KCNU1: variants seen among roughly 807,000 people sequenced by gnomAD.
The protein encoded by KCNU1 is potassium calcium-activated channel subfamily U member 1, also known as potassium channel subfamily U member 1.
In KCNU1, 93 loss-of-function variants were observed where a neutral mutation model predicts 126.8. The ratio of observed to expected loss-of-function variants is 0.73; its 90% CI spans 0.62 to 0.87. The LOEUF (loss-of-function observed/expected upper bound fraction) is 0.87. KCNU1 is among the 40% of genes least tolerant of loss of function. KCNU1 has a pLI of 0.00. For synonymous variants in KCNU1, 523 were observed against 494.2 expected (o/e 1.06, Z -0.77); for missense variants, 1,330 against 1,367.1 (o/e 0.97, Z 0.43).
chr8:36,878,119 A>G (rs906984018), intron 19 of KCNU1, among the ~76,000 whole-genome samples: 8 of 152,216 alleles, frequency 5.3e-5, no homozygotes, highest in Non-Finnish European at 7.3e-5. Context: ...TCTCTTTTCA[A>G]ACAAAAATAT....
chr8:36,887,795 T>C (rs1306133412), intron 19 of KCNU1, among the ~76,000 whole-genome samples: 1 of 152,222 alleles, frequency 6.6e-6, no homozygotes, highest in Non-Finnish European at 1.5e-5. Flanking sequence ...GTCATTTATT[T>C]CTTAGGTGTA....
intron 18 of KCNU1, among the ~76,000 whole-genome samples, chr8:36,855,338 A>G (rs541766435): frequency 6.6e-6 from 1 of 152,200 alleles, no homozygotes; most frequent in East Asian, 1.9e-4. Flanking sequence ...ATATTTGATA[A>G]CACTCCCTGG....
intron 26 of KCNU1, 138 bp from the exon 27 acceptor site, chr8:36,935,377 C>G: frequency 1.5e-6 from 1 of 667,436 alleles, no homozygotes; most frequent in Non-Finnish European, 2.6e-6. Flanking sequence ...TACTATTAAT[C>G]AGAAACCCAT....
At chr8:36,817,299 A>G (rs1341417470) in intron 9 of KCNU1, among the ~76,000 whole-genome samples, 1 of 151,982 alleles carries the variant, frequency 6.6e-6, no homozygotes, top group African/African-American at 2.4e-5. Context: ...CGGGAGTTCA[A>G]GACCAGCCTG....
intron 19 of KCNU1, among the ~76,000 whole-genome samples, chr8:36,899,352 G>T (rs1208934131): frequency 6.6e-6 from 1 of 152,028 alleles, no homozygotes; most frequent in African/African-American, 2.4e-5. Flanking sequence ...CCATGAGTTT[G>T]ACAGAGCCCA....
chr8:36,796,184 C>T (rs969827271), intron 2 of KCNU1, among the ~76,000 whole-genome samples: 1 of 152,120 alleles, frequency 6.6e-6, no homozygotes, highest in Non-Finnish European at 1.5e-5. Context: ...TCACTTTCCT[C>T]GAATTGAGGG....
chr8:36,903,484 C>T (rs752819826), intron 19 of KCNU1, among the ~76,000 whole-genome samples: 1 of 151,916 alleles, frequency 6.6e-6, no homozygotes, highest in Non-Finnish European at 1.5e-5. Context: ...ACAGTATATT[C>T]CAAAAGGCTG....
chr8:36,804,063 A>G lies in KCNU1; in HGVS notation c.352A>G (p.Ile118Val), dbSNP rs1372589186. 1 of 1,560,240 alleles carries G rather than the reference A, an allele frequency of 6.4e-7. No homozygotes were observed. Among genetic ancestry groups the G allele is most frequent in the South Asian group, 1.2e-5 (1 of 85,114 alleles). ...LVFVLSIGSLIIYFINSADPV... is the reference protein window; with the variant it reads ...LVFVLSIGSLVIYFINSADPV... ...CTTTGTACTAAGCATTGGGTCTCTT[A>G]TAATCTATTTCATCAATTCTGCTGA... is the stretch of plus-strand genomic sequence containing the variant. Residue 118 changes from isoleucine (I) to valine (V), a missense_variant, in exon 3 of 27, where the codon ATA becomes GTA. Physicochemically the swap from Ile to Val is conservative, Grantham distance 29. This residue lies in a region of KCNU1 where 247 missense variants were observed against 255.4 expected (regional missense o/e 0.97). Transcript: ENST00000399881.
chr8:36,910,993 G>C lies in KCNU1; in HGVS notation c.2395G>C (p.Val799Leu), dbSNP rs754829736. The change falls in exon 22 of 27, where the codon GTC becomes CTC. Residue 799 changes from valine (V) to leucine (L), a missense_variant. Physicochemically the swap from Val to Leu is conservative, Grantham distance 32 (BLOSUM62 1). This residue lies in a region of KCNU1 where 1,054 missense variants were observed against 1,053.9 expected (regional missense o/e 1.00). Coordinates refer to ENST00000399881, the MANE Select transcript of KCNU1 (RefSeq NM_001031836.3). The part of the protein sequence containing the change: ...ANIEQCSMCA[V>L]LSPPPQPSSN... ...CATAGAGCAATGCTCCATGTGTGCT[G>C]TCTTGTCCCCCCCACCCCAGCCATC... 9.9e-6 allele frequency: 16 copies of C among 1,613,528 alleles called. No individual in the cohort carries two copies. Among genetic ancestry groups the C allele is most frequent in the African/African-American group, 1.3e-5 (1 of 74,850 alleles).
chr8:36,873,091 TAACC>T (rs1293841655), intron 19 of KCNU1, among the ~76,000 whole-genome samples: 3 of 152,140 alleles, frequency 2.0e-5, no homozygotes, highest in Admixed American at 6.5e-5. Flanking sequence ...AAAAATAAAC[TAACC>T]AACCAAACAA....
intron 11 of KCNU1, among the ~76,000 whole-genome samples, 175 bp from the exon 12 acceptor site, chr8:36,834,611 C>T (rs978501492): frequency 6.6e-6 from 1 of 152,224 alleles, no homozygotes; most frequent in Non-Finnish European, 1.5e-5. Context: ...CCCTTTGCAG[C>T]ATTTGCAGGA....
chr8:36,834,727 A>G (rs1220396731), intron 11 of KCNU1, 59 bp from the exon 12 acceptor site: 16 of 1,069,220 alleles, frequency 1.5e-5, no homozygotes, highest in Admixed American at 2.2e-5. Flanking sequence ...CGAAAGGGGA[A>G]GACCAGAGCA....
intron 10 of KCNU1, among the ~76,000 whole-genome samples, chr8:36,830,885 T>C (rs1804517549): frequency 6.6e-6 from 1 of 150,494 alleles, no homozygotes; most frequent in Admixed American, 6.6e-5. Flanking sequence ...ATTAGGTATA[T>C]CTCCCGATGC....
rs74949946 is a variant in KCNU1, at chr8:36,833,917, A to G, written c.1212+258A>G. ...TTATTTCTCAAAATTCTCTATCTAAATCAGTTTTATTTTATCAGCCTAAGA... is the reference window on the plus strand; with the variant it reads ...TTATTTCTCAAAATTCTCTATCTAAGTCAGTTTTATTTTATCAGCCTAAGA... On this transcript the variant is annotated intron_variant, in intron 11 of 26. Coordinates refer to ENST00000399881, the MANE Select transcript of KCNU1 (RefSeq NM_001031836.3). Among the ~76,000 whole-genome samples, 756 of 152,218 alleles carry G rather than the reference A, an allele frequency of 5.0e-3. 10 individuals carry two copies. Among genetic ancestry groups the G allele is most frequent in the African/African-American group, 0.017 (717 of 41,544 alleles).
intron 16 of KCNU1, among the ~76,000 whole-genome samples, chr8:36,842,727 A>G (rs1585445566): frequency 6.6e-6 from 1 of 152,242 alleles, no homozygotes; most frequent in East Asian, 1.9e-4. Flanking sequence ...CTGGAGTGCA[A>G]TGGCACAATT....
intron 10 of KCNU1, among the ~76,000 whole-genome samples, chr8:36,821,724 A>AT (rs767986341): frequency 1.7e-4 from 26 of 151,726 alleles, no homozygotes; most frequent in Admixed American, 4.6e-4. Flanking sequence ...ACTTAAAACA[A>AT]TTTTTTTTTA....
chr8:36,854,166 C>T (rs1254561320), intron 18 of KCNU1, among the ~76,000 whole-genome samples: 5 of 152,128 alleles, frequency 3.3e-5, no homozygotes, highest in Admixed American at 3.3e-4. Context: ...TTGAGTCTTA[C>T]ATTTTTGATT....
intron 10 of KCNU1, among the ~76,000 whole-genome samples, chr8:36,827,014 T>A (rs1419835797): frequency 6.6e-6 from 1 of 152,242 alleles, no homozygotes; most frequent in African/African-American, 2.4e-5. Context: ...CTGCTAGATG[T>A]TACATACACT....
At chr8:36,932,250 T>C (rs951096808) in intron 25 of KCNU1, among the ~76,000 whole-genome samples, 3 of 152,100 alleles carry the variant, frequency 2.0e-5, no homozygotes, top group Non-Finnish European at 4.4e-5. Flanking sequence ...TGTAAGTGTA[T>C]ATAAGCCCAG....
Sources: gnomAD v4.1 joint callset for allele counts (sites outside exome capture counted in the v4.1 genomes callset) on GRCh38, gnomAD v4.1.1 for gene constraint, gnomAD v4.1.1 regional missense constraint, MANE v1.5 for transcripts, NCBI Gene and HGNC (gene_info 2026-07-23, HGNC 2026-07-21) for gene names.